ACSS2: variants seen among roughly 807,000 people sequenced by gnomAD.
The protein encoded by ACSS2 is acetyl-coenzyme A synthetase, cytoplasmic.
Under a neutral mutation model 90.6 loss-of-function variants are expected in ACSS2, and 58 were observed. That is an observed-to-expected ratio of 0.64 (90% CI 0.52 to 0.80). The LOEUF is 0.80. Among genes scored for constraint, ACSS2 ranks in the 30% least tolerant of loss-of-function variants. The pLI, the probability that ACSS2 is intolerant of heterozygous loss-of-function variation, is 0.00. For missense variants in ACSS2, 759 were observed against 912.0 expected (o/e 0.83, Z 2.16); for synonymous variants, 300 against 330.9 (o/e 0.91, Z 1.01).
At position 34,920,637 on chromosome 20, in the gene ACSS2, A is replaced by C. The variant is rs1379213949; in HGVS notation, c.1071A>C (p.Ala357=). 1 of 1,614,222 alleles carries C rather than the reference A, an allele frequency of 6.2e-7. No homozygotes were observed. ...FHAEDVFWCT[A]DIGWITGHSY... ...CAGAGGATGTGTTCTGGTGCACGGC[A>C]GACATTGGTTGGATCACTGGTCATT... is the stretch of plus-strand genomic sequence containing the variant. The change falls in exon 9 of 18, where the codon GCA becomes GCC. Residue 357 remains alanine (A), a synonymous_variant. Transcript: ENST00000360596.
At chr20:34,889,801 T>C (rs1032486346) in intron 2 of ACSS2, among the ~76,000 whole-genome samples, 35 of 152,170 alleles carry the variant, frequency 2.3e-4, no homozygotes, top group Admixed American at 4.6e-4. Context: ...TTTGCTGACT[T>C]GGATTGGGTC....
chr20:34,876,260 C>A (rs1040900963), upstream of ACSS2, among the ~76,000 whole-genome samples: 1 of 152,002 alleles, frequency 6.6e-6, no homozygotes, highest in Non-Finnish European at 1.5e-5. Flanking sequence ...CCGGGTTACT[C>A]CCCATCACTC....
rs962877712 is a variant in ACSS2, at chr20:34,926,395, C to T, written c.1903+114C>T. 5.7e-6 allele frequency: 7 copies of T among 1,221,034 alleles called. No homozygotes were observed. In the African/African-American group the frequency reaches 9.2e-5, roughly 16 times the overall value. The allele number at this position is 1,221,034 out of a possible 1,614,324, so 75.6% of individuals were successfully genotyped here. On this transcript the variant is annotated intron_variant, in intron 16 of 17. Coordinates refer to ENST00000360596, the MANE Select transcript of ACSS2 (RefSeq NM_018677.4). ...TGCTCCCCAAACCACAAACAGATTC[C>T]AGGGGGCCCCATGGGCTGATTGCCC...
At chr20:34,924,682 TTTGTTGTTG>T (rs72042821) in intron 14 of ACSS2, among the ~76,000 whole-genome samples, 1 of 149,264 alleles carries the variant, frequency 6.7e-6, no homozygotes, top group Non-Finnish European at 1.5e-5. Context: ...AAACCTTTTT[TTTGTTGTTG>T]TTGTTGTTGT....
chr20:34,926,034 G>A (rs1382540429), intron 15 of ACSS2, 71 bp from the exon 16 acceptor site: 1 of 1,528,094 alleles, frequency 6.5e-7, no homozygotes, highest in African/African-American at 1.4e-5. Context: ...ACTGCCCCAT[G>A]GGTACAGATG....
At chr20:34,893,797 A>C (rs185313377) in intron 2 of ACSS2, among the ~76,000 whole-genome samples, 77 of 152,272 alleles carry the variant, frequency 5.1e-4, no homozygotes, top group African/African-American at 1.5e-3. Flanking sequence ...TTTTTAGAAC[A>C]GCCCTCTTCT....
intron 2 of ACSS2, among the ~76,000 whole-genome samples, chr20:34,886,711 A>G (rs2080202678): frequency 6.6e-6 from 1 of 152,134 alleles, no homozygotes; most frequent in Admixed American, 6.6e-5. Context: ...ATATTTTCCA[A>G]TCTCACTATC....
chr20:34,899,592 C>G (rs1297716622), intron 2 of ACSS2, among the ~76,000 whole-genome samples: 1 of 151,578 alleles, frequency 6.6e-6, no homozygotes. Flanking sequence ...CGGGTTCAAG[C>G]GATTCTCCCA....
rs181325991 is a variant in ACSS2, at chr20:34,877,592, C to A, written c.178+769C>A. ...CAGCACTTTGGGAGGCCGAGGCGGG[C>A]GGATCACTTGAGGTCAGGAGTTCGA... On this transcript the variant is annotated intron_variant, in intron 1 of 17. Coordinates refer to ENST00000360596, the MANE Select transcript of ACSS2 (RefSeq NM_018677.4). 6.8e-3 allele frequency among the ~76,000 whole-genome samples: 1,032 copies of A among 151,870 alleles called. 6 individuals carry two copies. The highest frequency in any genetic ancestry group is 0.011 in the Non-Finnish European group (767 of 67,896).
In ACSS2 at chr20:34,901,938, C is replaced by T. The variant is rs1230846448; in HGVS notation, c.375-11158C>T. On this transcript the variant is annotated intron_variant, in intron 2 of 17. Transcript: ENST00000360596. ...TATTGTGGAGGCTGCTCTTTGGTAT[C>T]GCTACAAATCCCAGATTCAACATGA... 9.8e-5 allele frequency among the ~76,000 whole-genome samples: 15 copies of T among 152,296 alleles called. No individual in the cohort carries two copies. In the East Asian group the frequency reaches 2.3e-3, roughly 23 times the overall value.
At chr20:34,905,421 C>T (rs937748142) in intron 2 of ACSS2, among the ~76,000 whole-genome samples, 1 of 151,902 alleles carries the variant, frequency 6.6e-6, no homozygotes, top group Admixed American at 6.6e-5. Context: ...TACAGGCGCC[C>T]GCCACCACCC....
rs990220642 is a variant in ACSS2 at position 34,903,863 on chromosome 20, A to G, written c.375-9233A>G. Among the ~76,000 whole-genome samples, 13 of 127,186 alleles carry G rather than the reference A, an allele frequency of 1.0e-4. No individual in the cohort carries two copies. The East Asian group carries it at 2.8e-3, about 28-fold the overall frequency. The allele number at this position is 127,186 out of a possible 152,430, so 83.4% of individuals were successfully genotyped here. On this transcript the variant is annotated intron_variant, in intron 2 of 17. Coordinates refer to ENST00000360596, the MANE Select transcript of ACSS2 (RefSeq NM_018677.4). ...ACCAGCCTGGGCAACATAGTGAGAC[A>G]TTGTCTCAAAAAAAAAAAAAAAAAA...
intron 2 of ACSS2, among the ~76,000 whole-genome samples, chr20:34,910,547 C>G (rs2080926725): frequency 6.6e-6 from 1 of 152,136 alleles, no homozygotes; most frequent in African/African-American, 2.4e-5. Flanking sequence ...CCCAGCTACT[C>G]AGGAGGCTGA....
rs554446225 is a variant in ACSS2, at chr20:34,879,230, T to A, written c.178+2407T>A. On this transcript the variant is annotated intron_variant, in intron 1 of 17. Transcript: ENST00000360596. The stretch of plus-strand genomic sequence containing the variant: ...CTGCTTTTCTTTTAAGACCTCCAGA[T>A]AATCTAGCTCCACCCTGCCTCTCTA... Among the ~76,000 whole-genome samples, 5 of 152,128 alleles carry A rather than the reference T, an allele frequency of 3.3e-5. No homozygotes were observed. The South Asian group carries it at 1.0e-3, about 32-fold the overall frequency.
intron 2 of ACSS2, among the ~76,000 whole-genome samples, chr20:34,892,790 T>C (rs955524851): frequency 6.6e-6 from 1 of 152,192 alleles, no homozygotes; most frequent in Non-Finnish European, 1.5e-5. Flanking sequence ...CCACATTCTG[T>C]AGGCTTCTCC....
chr20:34,893,880 C>T (rs2080398743), intron 2 of ACSS2, among the ~76,000 whole-genome samples: 1 of 151,800 alleles, frequency 6.6e-6, no homozygotes. Context: ...ATGGTTTTAC[C>T]ATCTTGGAGC....
chr20:34,876,656 C>A lies in ACSS2; in HGVS notation c.11C>A (p.Pro4His). ...TAGGAACTTGACGTGATGGGGCTTC[C>A]TGAGGAGCGGGTCCGGAGCGGCAGC... The part of the protein sequence containing the change: MGL[P>H]EERVRSGSGS... Residue 4 changes from proline to histidine, a missense_variant, in exon 1 of 18, where the codon CCT becomes CAT. Pro to His is a moderately conservative substitution (Grantham distance 77, BLOSUM62 -2). Coordinates refer to ENST00000360596, the MANE Select transcript of ACSS2 (RefSeq NM_018677.4). The A allele has an allele frequency of 7.2e-7, 1 of 1,387,796 alleles. No homozygotes were observed. The highest frequency in any genetic ancestry group is 3.0e-5 in the East Asian group (1 of 33,452). The allele number at this position is 1,387,796 out of a possible 1,614,324, so 86.0% of individuals were successfully genotyped here.
At position 34,885,245 on chromosome 20, in the gene ACSS2, A is replaced by G. The variant is rs979437150; in HGVS notation, c.374+2256A>G. 5.3e-5 allele frequency among the ~76,000 whole-genome samples: 8 copies of G among 151,996 alleles called. 1 individual carries two copies. The South Asian group carries it at 8.3e-4, about 16-fold the overall frequency. On this transcript the variant is annotated intron_variant, in intron 2 of 17. Coordinates refer to ENST00000360596, the MANE Select transcript of ACSS2 (RefSeq NM_018677.4). Reference sequence around the variant, plus strand: ...ATAAAATAAGAAAAATAAAAAGAGGAAAAAAAAGATCATAAAAGGAAATGC... The same window carrying G: ...ATAAAATAAGAAAAATAAAAAGAGGGAAAAAAAGATCATAAAAGGAAATGC...
chr20:34,877,183 G>T (rs1487347464), intron 1 of ACSS2, among the ~76,000 whole-genome samples: 1 of 152,084 alleles, frequency 6.6e-6, no homozygotes, highest in Non-Finnish European at 1.5e-5. Context: ...CGAAAAGAGG[G>T]TCTCTAAGGG....
Sources: allele counts gnomAD v4.1 joint callset (sites outside exome capture counted in the v4.1 genomes callset), GRCh38; gene constraint gnomAD v4.1.1; transcripts MANE v1.5; gene names NCBI Gene and HGNC (gene_info 2026-07-23, HGNC 2026-07-21).